Variants in AGBL4 observed in about 807,000 individuals in gnomAD.
AGBL4 encodes the protein cytosolic carboxypeptidase 6.
AGBL4 carries 58 observed loss-of-function variants against 66.4 expected under a neutral mutation model. That is an observed-to-expected ratio of 0.87 (90% CI 0.71 to 1.09). The LOEUF is 1.09. AGBL4 is among the 50% of genes least tolerant of loss of function. AGBL4 has a pLI of 0.00. For synonymous variants in AGBL4, 234 were observed against 222.9 expected (o/e 1.05, Z -0.44); for missense variants, 579 against 631.0 (o/e 0.92, Z 0.88).
At chr1:49,959,873 C>G (rs1656978845) in intron 1 of AGBL4, among the ~76,000 whole-genome samples, 1 of 151,986 alleles carries the variant, frequency 6.6e-6, no homozygotes, top group Admixed American at 6.6e-5. Flanking sequence ...AGATCATGTC[C>G]TTTGCAGCAA....
chr1:49,291,360 G>A (rs1463193513), intron 3 of AGBL4, among the ~76,000 whole-genome samples: 1 of 152,020 alleles, frequency 6.6e-6, no homozygotes, highest in Non-Finnish European at 1.5e-5. Context: ...ACCTGATGAG[G>A]ACATTACAAG....
chr1:49,912,640 C>T (rs1408110901), intron 1 of AGBL4, among the ~76,000 whole-genome samples: 1 of 152,124 alleles, frequency 6.6e-6, no homozygotes, highest in Non-Finnish European at 1.5e-5. Flanking sequence ...GGAAAAAATA[C>T]CTATATCCTA....
At chr1:49,391,568 T>G (rs1223822701) in intron 3 of AGBL4, among the ~76,000 whole-genome samples, 4 of 149,232 alleles carry the variant, frequency 2.7e-5, no homozygotes, top group Non-Finnish European at 3.0e-5. Flanking sequence ...TTTTTGTTTT[T>G]TTTTTTTTTT....
At chr1:49,188,693 C>A (rs72684811) in intron 4 of AGBL4, among the ~76,000 whole-genome samples, 15,510 of 152,122 alleles carry the variant, frequency 0.1, 1,297 homozygotes, top group African/African-American at 0.22. Flanking sequence ...TTAAAAGCAA[C>A]TTGGTACATC....
chr1:49,063,556 TG>T (rs1439437321), intron 4 of AGBL4, among the ~76,000 whole-genome samples: 2 of 152,236 alleles, frequency 1.3e-5, no homozygotes, highest in African/African-American at 4.8e-5. Context: ...TATCAAGTCC[TG>T]TTCTTGATGC....
At chr1:48,531,311 A>G (rs1643905355), downstream of AGBL4, among the ~76,000 whole-genome samples, 1 of 152,082 alleles carries the variant, frequency 6.6e-6, no homozygotes, top group Non-Finnish European at 1.5e-5. Flanking sequence ...AGTACTAACT[A>G]TACTGTACAC....
intron 4 of AGBL4, among the ~76,000 whole-genome samples, chr1:49,239,729 C>T (rs999676745): frequency 1.2e-4 from 19 of 152,026 alleles, no homozygotes; most frequent in African/African-American, 4.3e-4. Context: ...TTATTGAATA[C>T]CTGTTATGTA....
chr1:49,334,119 C>T (rs1365795565), intron 3 of AGBL4, among the ~76,000 whole-genome samples: 11 of 152,128 alleles, frequency 7.2e-5, no homozygotes, highest in Non-Finnish European at 4.4e-5. Flanking sequence ...TGTTAAAGTA[C>T]GTTCATACAC....
intron 4 of AGBL4, among the ~76,000 whole-genome samples, chr1:49,239,178 T>A (rs1651023107): frequency 6.6e-6 from 1 of 152,170 alleles, no homozygotes; most frequent in African/African-American, 2.4e-5. Context: ...AAAACATAGA[T>A]CATTTTATGG....
chr1:49,333,126 A>T (rs1401873408), intron 3 of AGBL4, among the ~76,000 whole-genome samples: 1 of 152,022 alleles, frequency 6.6e-6, no homozygotes, highest in Non-Finnish European at 1.5e-5. Flanking sequence ...TTGTTCTTGT[A>T]AATTTGTTTA....
chr1:48,999,402 G>A (rs1477471366), intron 5 of AGBL4, among the ~76,000 whole-genome samples: 1 of 152,000 alleles, frequency 6.6e-6, no homozygotes. Context: ...CAAACAAATG[G>A]CCCATTATAG....
intron 7 of AGBL4, among the ~76,000 whole-genome samples, chr1:48,660,111 T>G (rs1170998946): frequency 6.6e-6 from 1 of 152,188 alleles, no homozygotes; most frequent in Non-Finnish European, 1.5e-5. Context: ...ACCTCTCCCG[T>G]AGTCACTGGA....
intron 4 of AGBL4, among the ~76,000 whole-genome samples, chr1:49,242,056 T>C (rs570389329): frequency 6.6e-6 from 1 of 152,054 alleles, no homozygotes; most frequent in East Asian, 1.9e-4. Flanking sequence ...CTTAATAGTA[T>C]AATTTTCTTC....
chr1:49,621,086 C>T (rs1473858737), intron 3 of AGBL4, among the ~76,000 whole-genome samples: 4 of 152,124 alleles, frequency 2.6e-5, no homozygotes, highest in African/African-American at 9.7e-5. Context: ...CCATGCCACG[C>T]CAGAATGACA....
At chr1:48,895,808 G>C (rs1459094271) in intron 5 of AGBL4, among the ~76,000 whole-genome samples, 1 of 152,208 alleles carries the variant, frequency 6.6e-6, no homozygotes, top group East Asian at 1.9e-4. Flanking sequence ...TTGGGGTGTG[G>C]AGGATAAGAG....
In AGBL4 at chr1:49,154,252, T is replaced by C. The variant is rs550981472; in HGVS notation, c.377+91518A>G. On this transcript the variant is annotated intron_variant, in intron 4 of 13. Transcript: ENST00000371839. ...GTGATTCAAAACATTTAACCTTTCT[T>C]GGTCTCAGTGTCTTCTCCTGGAAAA... 5.9e-5 allele frequency among the ~76,000 whole-genome samples: 9 copies of C among 152,172 alleles called. No homozygotes were observed. In the East Asian group the frequency reaches 1.5e-3, roughly 26 times the overall value.
chr1:49,116,871 C>G (rs1319510647), intron 4 of AGBL4, among the ~76,000 whole-genome samples: 3 of 152,196 alleles, frequency 2.0e-5, no homozygotes, highest in Non-Finnish European at 4.4e-5. Flanking sequence ...TCCACATCCT[C>G]TCCAGCATCT....
chr1:49,424,946 G>C (rs1645623804), intron 3 of AGBL4, among the ~76,000 whole-genome samples: 1 of 152,110 alleles, frequency 6.6e-6, no homozygotes, highest in African/African-American at 2.4e-5. Flanking sequence ...GAGGACATAA[G>C]AGCCTGGAAG....
At chr1:48,830,799 T>A (rs1286325669) in intron 6 of AGBL4, among the ~76,000 whole-genome samples, 1 of 152,202 alleles carries the variant, frequency 6.6e-6, no homozygotes, top group Non-Finnish European at 1.5e-5. Flanking sequence ...TGTATAAAAA[T>A]GGAAGAATAA....
Sources: gnomAD v4.1 joint callset for allele counts (sites outside exome capture counted in the v4.1 genomes callset) on GRCh38, gnomAD v4.1.1 for gene constraint, MANE v1.5 for transcripts, NCBI Gene and HGNC (gene_info 2026-07-23, HGNC 2026-07-21) for gene names.